PTPRT: variants seen among roughly 807,000 people sequenced by gnomAD.
PTPRT encodes protein tyrosine phosphatase receptor type T.
A neutral mutation model predicts 176.8 loss-of-function variants in PTPRT; 56 were observed. The observed-to-expected ratio is 0.32, with a 90% CI of 0.26 to 0.40. PTPRT has a LOEUF of 0.40. Among genes scored for constraint, PTPRT ranks in the 10% least tolerant of loss-of-function variants. The probability of loss-of-function intolerance (pLI) is 1.00; values close to 1 mark genes in which losing one functional copy is unlikely to be tolerated. For missense variants in PTPRT, 1,540 were observed against 1,908.2 expected, an observed-to-expected ratio of 0.81 and a Z score of 3.60; for synonymous variants, 783 against 739.0, an observed-to-expected ratio of 1.06 and a Z score of -0.96.
At chr20:42,174,622 A>G (rs1990212188) in intron 16 of PTPRT, among the ~76,000 whole-genome samples, 1 of 152,222 alleles carries the variant, frequency 6.6e-6, no homozygotes, top group South Asian at 2.1e-4. Context: ...TTCTGCCTTG[A>G]AAATTCTAGA....
At chr20:42,184,184 C>A (rs373402311) in intron 16 of PTPRT, among the ~76,000 whole-genome samples, 18 of 152,150 alleles carry the variant, frequency 1.2e-4, no homozygotes, top group African/African-American at 4.3e-4. Context: ...CACAAGCTAT[C>A]CCTGTTGTAA....
intron 12 of PTPRT, among the ~76,000 whole-genome samples, chr20:42,296,470 A>G: frequency 6.6e-6 from 1 of 151,756 alleles, no homozygotes; most frequent in African/African-American, 2.4e-5. Flanking sequence ...AGTGTTAAAT[A>G]ATATAAAAGA....
At chr20:42,922,248 T>C (rs1600559523) in intron 1 of PTPRT, among the ~76,000 whole-genome samples, 3 of 152,278 alleles carry the variant, frequency 2.0e-5, no homozygotes, top group Non-Finnish European at 4.4e-5. Flanking sequence ...ACCTACTCTT[T>C]CTCAGCCTCC....
chr20:42,606,164 G>A lies in PTPRT; in HGVS notation c.1153+71702C>T, dbSNP rs137991641. On this transcript the variant is annotated intron_variant, in intron 7 of 30. Transcript: ENST00000373187. ...CCAGATTTTTCTCTGGCTGTGTTTT[G>A]TGACTCCACTTCACTCACCTCTAAT... Among the ~76,000 whole-genome samples, 1,146 of 152,210 alleles carry A rather than the reference G, an allele frequency of 7.5e-3. 6 individuals are homozygous for A. The highest frequency in any genetic ancestry group is 0.012 in the Non-Finnish European group (795 of 67,994).
intron 7 of PTPRT, among the ~76,000 whole-genome samples, chr20:42,595,304 G>C (rs1483389769): frequency 6.6e-6 from 1 of 151,934 alleles, no homozygotes; most frequent in Non-Finnish European, 1.5e-5. Context: ...TGACATTTTG[G>C]GCCAGAAAAT....
chr20:42,463,720 G>A (rs888261003), intron 8 of PTPRT, among the ~76,000 whole-genome samples: 2 of 152,038 alleles, frequency 1.3e-5, no homozygotes, highest in African/African-American at 4.8e-5. Flanking sequence ...AAAGCAGATA[G>A]CCATGTACAA....
At chr20:42,324,916 C>T (rs1002378759) in intron 11 of PTPRT, among the ~76,000 whole-genome samples, 6 of 152,168 alleles carry the variant, frequency 3.9e-5, no homozygotes, top group East Asian at 1.9e-4. Context: ...AATTAGTGCA[C>T]GTGCATCTTT....
At chr20:42,370,872 C>A (rs775514941) in intron 9 of PTPRT, among the ~76,000 whole-genome samples, 2 of 152,164 alleles carry the variant, frequency 1.3e-5, no homozygotes, top group Non-Finnish European at 1.5e-5. Flanking sequence ...TGCACTCAAA[C>A]CACATTTGCC....
intron 1 of PTPRT, among the ~76,000 whole-genome samples, chr20:42,996,251 C>T (rs1984214980): frequency 2.0e-5 from 3 of 152,148 alleles, no homozygotes; most frequent in Non-Finnish European, 4.4e-5. Flanking sequence ...TCCTTGCATG[C>T]ACAATTTTAA....
intron 13 of PTPRT, among the ~76,000 whole-genome samples, chr20:42,266,016 G>GA (rs1568722434): frequency 6.6e-6 from 1 of 152,180 alleles, no homozygotes; most frequent in African/African-American, 2.4e-5. Context: ...AGGTACACAG[G>GA]AAATAAAGGA....
At chr20:42,951,254 G>A (rs114347171) in intron 1 of PTPRT, among the ~76,000 whole-genome samples, 353 of 152,114 alleles carry the variant, frequency 2.3e-3, no homozygotes, top group African/African-American at 8.2e-3. Flanking sequence ...TTCATGGAGG[G>A]GTGGATGGAT....
chr20:42,634,037 TATATTATATATATATTATAA>T lies in PTPRT; in HGVS notation c.1153+43809_1153+43828del, dbSNP rs1569038650. 1.8e-3 allele frequency among the ~76,000 whole-genome samples: 53 copies of T among 29,672 alleles called. 2 individuals are homozygous for T. Among genetic ancestry groups the T allele is most frequent in the Non-Finnish European group, 1.9e-3 (35 of 18,342 alleles). 19.5% of individuals were successfully genotyped at this position (29,672 alleles called of 152,430 possible). A position where few individuals can be genotyped will look rare whatever the true frequency, so the allele number is the denominator to read the frequency against. Reference sequence around the variant, plus strand: ...ATATATATATAATATATATATTATATATATTATATATATATTATAAATATATAATATATATATAATATATA... The same window carrying T: ...ATATATATATAATATATATATTATATATATATAATATATATATAATATATA... On this transcript the variant is annotated intron_variant, in intron 7 of 30. Coordinates refer to ENST00000373187, the MANE Select transcript of PTPRT (RefSeq NM_007050.6).
At chr20:42,900,422 G>C (rs1228530928) in intron 1 of PTPRT, among the ~76,000 whole-genome samples, 1 of 152,106 alleles carries the variant, frequency 6.6e-6, no homozygotes, top group Non-Finnish European at 1.5e-5. Context: ...CTTGTCCCCG[G>C]TATGAATGCC....
intron 1 of PTPRT, among the ~76,000 whole-genome samples, chr20:43,086,954 A>G (rs1339742569): frequency 1.3e-5 from 2 of 152,212 alleles, no homozygotes; most frequent in African/African-American, 2.4e-5. Flanking sequence ...ATAGATGTAC[A>G]GTTCTATGAA....
chr20:42,142,081 G>T, intron 17 of PTPRT, 79 bp from the exon 18 acceptor site: 1 of 1,211,718 alleles, frequency 8.3e-7, no homozygotes, highest in Non-Finnish European at 1.2e-6. Flanking sequence ...ACAGGGCAAA[G>T]TAAGACCCAC....
intron 6 of PTPRT, among the ~76,000 whole-genome samples, chr20:42,706,115 ATGTCTGTCTGTCTG>A (rs2076050841): frequency 1.3e-5 from 2 of 149,486 alleles, no homozygotes; most frequent in African/African-American, 5.0e-5. Context: ...CAGGTCATGT[ATGTCTGTCTGTCTG>A]TGTCTGTCTG....
the PTPRT span, among the ~76,000 whole-genome samples, chr20:42,052,871 G>A: frequency 8.5e-5 from 13 of 152,274 alleles, no homozygotes; most frequent in South Asian, 1.5e-3. Flanking sequence ...CCGTGTCGGT[G>A]GCTTTCATCC....
At position 43,094,176 on chromosome 20, in the gene PTPRT, C is replaced by G. The variant is rs1255584142; in HGVS notation, c.88+95470G>C. On this transcript the variant is annotated intron_variant, in intron 1 of 30. Transcript: ENST00000373187. Reference sequence around the variant, plus strand: ...GATCTAGGCTCACTGCAACGTCCACCTCCCGGGTTCACGCCATTCTCCTGC... The same window carrying G: ...GATCTAGGCTCACTGCAACGTCCACGTCCCGGGTTCACGCCATTCTCCTGC... 2.0e-5 allele frequency among the ~76,000 whole-genome samples: 3 copies of G among 150,838 alleles called. No homozygotes were observed. In the East Asian group the frequency reaches 5.9e-4, roughly 29 times the overall value.
chr20:42,544,863 A>G (rs1310282894), intron 7 of PTPRT, among the ~76,000 whole-genome samples: 4 of 152,200 alleles, frequency 2.6e-5, no homozygotes, highest in African/African-American at 7.2e-5. Flanking sequence ...TATGTTGCCC[A>G]GGCTGGTCTC....
Sources: allele counts gnomAD v4.1 joint callset (sites outside exome capture counted in the v4.1 genomes callset), GRCh38; gene constraint gnomAD v4.1.1; transcripts MANE v1.5; gene names NCBI Gene and HGNC (gene_info 2026-07-23, HGNC 2026-07-21).